GREB1L: variants seen among roughly 807,000 people sequenced by gnomAD.
The protein encoded by GREB1L is GREB1-like protein.
Under a neutral mutation model 200.8 loss-of-function variants are expected in GREB1L, and 17 were observed. The observed-to-expected ratio is 0.08, with a 90% CI of 0.06 to 0.13. GREB1L has a LOEUF of 0.13. Ranked by LOEUF, GREB1L falls within the 10% of genes least tolerant of loss-of-function variation. The pLI is 1.00. For synonymous variants in GREB1L, 789 were observed against 893.0 expected (o/e 0.88, Z 2.08); for missense variants, 1,657 against 2,367.7 (o/e 0.70, Z 6.23).
chr18:21,521,552 T>G (rs2037599054), intron 32 of GREB1L, among the ~76,000 whole-genome samples: 1 of 152,070 alleles, frequency 6.6e-6, no homozygotes, highest in Admixed American at 6.6e-5. Flanking sequence ...ATTTATTTAT[T>G]TATTTATTTA....
At chr18:21,464,021 A>G (rs1289061090) in intron 15 of GREB1L, among the ~76,000 whole-genome samples, 1 of 152,194 alleles carries the variant, frequency 6.6e-6, no homozygotes, top group Non-Finnish European at 1.5e-5. Context: ...ATGGATTGCA[A>G]CCTATTGAAA....
At chr18:21,393,392 G>A (rs2040909674) in intron 4 of GREB1L, among the ~76,000 whole-genome samples, 1 of 152,058 alleles carries the variant, frequency 6.6e-6, no homozygotes, top group Non-Finnish European at 1.5e-5. Flanking sequence ...TGCCTCCCTG[G>A]TTCAAGTGAT....
chr18:21,462,989 A>G (rs1181474260), intron 15 of GREB1L, among the ~76,000 whole-genome samples: 6 of 152,166 alleles, frequency 3.9e-5, no homozygotes, highest in Non-Finnish European at 7.3e-5. Flanking sequence ...TATGTTGTTA[A>G]TGTGACATAT....
At chr18:21,410,499 A>G (rs1397539942) in intron 7 of GREB1L, among the ~76,000 whole-genome samples, 1 of 151,966 alleles carries the variant, frequency 6.6e-6, no homozygotes, top group Non-Finnish European at 1.5e-5. Context: ...CTCCAAAAAC[A>G]TAAAAATTAA....
chr18:21,461,338 G>A (rs1598879854), intron 15 of GREB1L, among the ~76,000 whole-genome samples: 1 of 151,966 alleles, frequency 6.6e-6, no homozygotes, highest in East Asian at 1.9e-4. Context: ...CGTTCCATCA[G>A]TGTCAACCTG....
At chr18:21,448,048 G>C (rs1445508737) in intron 11 of GREB1L, among the ~76,000 whole-genome samples, 9 of 151,656 alleles carry the variant, frequency 5.9e-5, no homozygotes, top group Admixed American at 5.9e-4. Context: ...TGTAATCCCA[G>C]ATACTCCGGA....
chr18:21,298,319 C>G (rs572847651), intron 1 of GREB1L, among the ~76,000 whole-genome samples: 63 of 152,262 alleles, frequency 4.1e-4, no homozygotes, highest in African/African-American at 1.4e-3. Context: ...TCCTAAAATT[C>G]TCTTTACTAG....
At chr18:21,378,161 T>G (rs2040153298) in intron 2 of GREB1L, among the ~76,000 whole-genome samples, 2 of 152,162 alleles carry the variant, frequency 1.3e-5, no homozygotes, top group African/African-American at 4.8e-5. Context: ...GGGGGCTCTT[T>G]GAGATTTAGA....
chr18:21,393,610 T>C (rs1220987450), intron 4 of GREB1L, among the ~76,000 whole-genome samples: 1 of 152,326 alleles, frequency 6.6e-6, no homozygotes, highest in East Asian at 1.9e-4. Context: ...TTTGTATCTT[T>C]AGTAGAGACG....
intron 1 of GREB1L, among the ~76,000 whole-genome samples, chr18:21,345,910 G>A (rs1424886195): frequency 6.6e-6 from 1 of 151,332 alleles, no homozygotes; most frequent in Non-Finnish European, 1.5e-5. Flanking sequence ...GGTATTCTGA[G>A]GATTAAATGA....
At chr18:21,398,213 T>G (rs921765598) in intron 5 of GREB1L, among the ~76,000 whole-genome samples, 2 of 152,192 alleles carry the variant, frequency 1.3e-5, no homozygotes, top group African/African-American at 4.8e-5. Context: ...AGAACTGTGT[T>G]CTAATCCCAG....
intron 7 of GREB1L, among the ~76,000 whole-genome samples, chr18:21,432,498 A>G (rs1169301279): frequency 6.6e-6 from 1 of 151,648 alleles, no homozygotes; most frequent in Non-Finnish European, 1.5e-5. Context: ...CTGGTGTAAG[A>G]TGTTGGTACA....
intron 21 of GREB1L, 96 bp downstream of exon 21, chr18:21,496,794 G>GCCTTCAGAGGAGCCTT: frequency 7.3e-7 from 1 of 1,376,568 alleles, no homozygotes. Context: ...CACCCCAACG[G>GCCTTCAGAGGAGCCTT]CCTTCAGAGG....
chr18:21,401,093 T>A, intron 5 of GREB1L, 57 bp from the exon 6 acceptor site: 1 of 1,385,426 alleles, frequency 7.2e-7, no homozygotes, highest in Non-Finnish European at 1.0e-6. Flanking sequence ...GTTTAATACG[T>A]AAAAGTATTG....
At chr18:21,267,842 A>G (rs1408856451) in intron 1 of GREB1L, among the ~76,000 whole-genome samples, 1 of 146,560 alleles carries the variant, frequency 6.8e-6, no homozygotes, top group East Asian at 2.0e-4. Flanking sequence ...AGAATACTGC[A>G]TTGTCTGAAA....
In GREB1L at chr18:21,508,401, C is replaced by G; in HGVS notation, c.4545C>G (p.Val1515=). The change falls in exon 27 of 33, where the codon GTC becomes GTG. Residue 1515 remains valine, a synonymous_variant. Transcript: ENST00000424526. The part of the protein sequence containing the change: ...PLVSDKNLNA[V]KSPIFTPSSG... ...CCTTTCAGCAGAATTTGAATGCAGT[C>G]AAGAGCCCTATTTTCACTCCTTCCA... 9 of 1,551,574 alleles carry G rather than the reference C, an allele frequency of 5.8e-6. No individual in the cohort carries two copies. The highest frequency in any genetic ancestry group is 7.0e-6 in the Non-Finnish European group (8 of 1,146,970).
chr18:21,259,404 T>C (rs1398291207), intron 1 of GREB1L, among the ~76,000 whole-genome samples: 1 of 152,138 alleles, frequency 6.6e-6, no homozygotes, highest in East Asian at 1.9e-4. Context: ...CTAATAAGTC[T>C]TTTTTAAGCA....
chr18:21,324,378 G>T (rs2038992390), intron 1 of GREB1L, among the ~76,000 whole-genome samples: 1 of 152,012 alleles, frequency 6.6e-6, no homozygotes. Context: ...TGGCTGTTGG[G>T]GAAAAGATAA....
intron 4 of GREB1L, among the ~76,000 whole-genome samples, chr18:21,393,476 GTTGT>G (rs1262340393): frequency 6.6e-6 from 1 of 151,908 alleles, no homozygotes; most frequent in Non-Finnish European, 1.5e-5. Context: ...TGTTGTTGTT[GTTGT>G]TTGTTTGTTT....
Sources: allele counts gnomAD v4.1 joint callset (sites outside exome capture counted in the v4.1 genomes callset), GRCh38; gene constraint gnomAD v4.1.1; transcripts MANE v1.5; gene names NCBI Gene and HGNC (gene_info 2026-07-23, HGNC 2026-07-21).